Variants in MELK observed in about 807,000 individuals in gnomAD.
MELK encodes the protein pEg3 kinase.
In MELK, 81 loss-of-function variants were observed where a neutral mutation model predicts 85.0. The ratio of observed to expected loss-of-function variants is 0.95; its 90% CI spans 0.80 to 1.15. The LOEUF is 1.15. Among genes scored for constraint, MELK ranks in the 50% most tolerant of loss-of-function variants. The pLI, the probability that MELK is intolerant of heterozygous loss-of-function variation, is 0.00. For missense variants in MELK, 754 were observed against 777.5 expected, an observed-to-expected ratio of 0.97 and a Z score of 0.36; for synonymous variants, 252 against 265.0, an observed-to-expected ratio of 0.95 and a Z score of 0.48.
intron 6 of MELK, among the ~76,000 whole-genome samples, chr9:36,598,140 A>C (rs75783709): frequency 0.01 from 1,564 of 151,352 alleles, 37 homozygotes; most frequent in African/African-American, 0.035. Flanking sequence ...CTCTTTAGAA[A>C]CTATAAGTGG....
rs1042376024 is a variant in MELK at position 36,656,739 on chromosome 9, C to G, written c.1054-502C>G. ...ACCTGGTGGACTCAAGTGATCCTCC[C>G]ACCTAAGCCTCCCAAGTACCTGGGC... On this transcript the variant is annotated intron_variant, in intron 12 of 17. Transcript: ENST00000298048. 2.1e-3 allele frequency among the ~76,000 whole-genome samples: 315 copies of G among 152,126 alleles called. 1 individual carries two copies. Among genetic ancestry groups the G allele is most frequent in the African/African-American group, 7.3e-3 (302 of 41,496 alleles).
At chr9:36,663,080 C>CTT (rs202077914) in intron 13 of MELK, among the ~76,000 whole-genome samples, 1 of 145,818 alleles carries the variant, frequency 6.9e-6, no homozygotes, top group African/African-American at 2.5e-5. Context: ...TTCCTTGTTT[C>CTT]TTTTTTTTTT....
intron 11 of MELK, among the ~76,000 whole-genome samples, chr9:36,649,133 A>G (rs192961372): frequency 4.6e-4 from 70 of 152,350 alleles, no homozygotes; most frequent in African/African-American, 1.7e-3. Context: ...ATGTGACCAC[A>G]GAAATTAAAA....
intron 15 of MELK, 118 bp from the exon 16 acceptor site, chr9:36,670,880 C>A: frequency 9.5e-7 from 1 of 1,052,602 alleles, no homozygotes; most frequent in Non-Finnish European, 1.3e-6. Context: ...GGTGATCTGG[C>A]CCTGGCATAC....
At chr9:36,581,254 C>T (rs1470425663) in intron 1 of MELK, among the ~76,000 whole-genome samples, 2 of 151,808 alleles carry the variant, frequency 1.3e-5, no homozygotes, top group Admixed American at 6.6e-5. Flanking sequence ...AGGCTGGCCT[C>T]GAACTCCTGG....
intron 16 of MELK, among the ~76,000 whole-genome samples, chr9:36,671,809 C>T (rs1832917494): frequency 6.6e-6 from 1 of 152,150 alleles, no homozygotes; most frequent in Non-Finnish European, 1.5e-5. Context: ...TTCATTCAAA[C>T]ATCTGATGAA....
chr9:36,583,017 A>G (rs568765997), intron 2 of MELK, among the ~76,000 whole-genome samples: 3 of 148,408 alleles, frequency 2.0e-5, no homozygotes, highest in African/African-American at 7.5e-5. Flanking sequence ...TCTGTCGCCC[A>G]GGCTGGAGTG....
At chr9:36,665,887 A>G (rs1832292687) in intron 14 of MELK, among the ~76,000 whole-genome samples, 1 of 152,230 alleles carries the variant, frequency 6.6e-6, no homozygotes, top group Non-Finnish European at 1.5e-5. Context: ...CACAGCTAAG[A>G]AACCTGAGAC....
intron 1 of MELK, among the ~76,000 whole-genome samples, chr9:36,580,988 A>G (rs969738050): frequency 1.3e-5 from 2 of 152,188 alleles, no homozygotes; most frequent in Non-Finnish European, 2.9e-5. Flanking sequence ...TTGGCCTCCC[A>G]AAGTGCTGGG....
chr9:36,585,983 C>G (rs1006935621), intron 3 of MELK, among the ~76,000 whole-genome samples: 3 of 151,890 alleles, frequency 2.0e-5, no homozygotes, highest in Non-Finnish European at 2.9e-5. Context: ...TGAGATAGGG[C>G]TTAATATTAA....
chr9:36,652,042 A>ATTTTT lies in MELK; in HGVS notation c.1053+183_1053+187dup, dbSNP rs11465173. Among the ~76,000 whole-genome samples the ATTTTT allele has an allele frequency of 5.1e-3, 467 of 91,316 alleles. 18 individuals are homozygous for ATTTTT. The highest frequency in any genetic ancestry group is 6.1e-3 in the Non-Finnish European group (299 of 49,094). The allele number at this position is 91,316 out of a possible 152,430, so 59.9% of individuals were successfully genotyped here. On this transcript the variant is annotated intron_variant, in intron 12 of 17. Coordinates refer to ENST00000298048, the MANE Select transcript of MELK (RefSeq NM_014791.4). ...TGGGAAGTTCTGAAGTTGAACTCTA[A>ATTTTT]TTTTTTTTTTTTTTTTTTTTTTGAG... is the stretch of plus-strand genomic sequence containing the variant.
Position 36,658,088 on chromosome 9 carries a change from C to T in MELK, c.1176+725C>T, listed in dbSNP as rs781730231. Reference sequence around the variant, plus strand: ...GTGGCTAACTTCCCCTCCCAACTCTCGGTGGCAATTGATCTGTTTTTCTTT... The same window carrying T: ...GTGGCTAACTTCCCCTCCCAACTCTTGGTGGCAATTGATCTGTTTTTCTTT... On this transcript the variant is annotated intron_variant, in intron 13 of 17. Coordinates refer to ENST00000298048, the MANE Select transcript of MELK (RefSeq NM_014791.4). Among the ~76,000 whole-genome samples the T allele has an allele frequency of 4.1e-4, 62 of 151,766 alleles. 1 individual carries two copies. Among genetic ancestry groups the T allele is most frequent in the Admixed American group, 2.7e-3 (41 of 15,216 alleles).
chr9:36,607,817 G>C (rs1029986847), intron 8 of MELK, 144 bp downstream of exon 8: 4 of 651,406 alleles, frequency 6.1e-6, no homozygotes, highest in Non-Finnish European at 1.1e-5. Flanking sequence ...TTTGGGAGTG[G>C]TTAAGGAGTG....
At chr9:36,652,124 G>T (rs1014295529) in intron 12 of MELK, among the ~76,000 whole-genome samples, 3 of 128,988 alleles carry the variant, frequency 2.3e-5, no homozygotes, top group African/African-American at 8.8e-5. Context: ...TCAGCTCACT[G>T]CAACCTCTGC....
intron 12 of MELK, among the ~76,000 whole-genome samples, chr9:36,653,157 T>C (rs557293739): frequency 6.6e-6 from 1 of 152,350 alleles, no homozygotes; most frequent in South Asian, 2.1e-4. Context: ...TTTTTTGTTT[T>C]ATTTTTTGAA....
intron 11 of MELK, among the ~76,000 whole-genome samples, chr9:36,647,912 A>G (rs1830369869): frequency 6.6e-6 from 1 of 152,168 alleles, no homozygotes; most frequent in Non-Finnish European, 1.5e-5. Context: ...TGCAAATTTC[A>G]AAGCATATAC....
intron 12 of MELK, among the ~76,000 whole-genome samples, chr9:36,654,349 C>CTT (rs34436735): frequency 0.12 from 10,113 of 84,038 alleles, 1,493 homozygotes; most frequent in Middle Eastern, 0.2. Context: ...ATTGGATTGT[C>CTT]TTTTTTTTTT....
chr9:36,602,247 C>T (rs1426889423), intron 7 of MELK, among the ~76,000 whole-genome samples: 1 of 152,016 alleles, frequency 6.6e-6, no homozygotes, highest in Non-Finnish European at 1.5e-5. Context: ...AATCCCAGCA[C>T]TTTGGGAGAC....
intron 12 of MELK, among the ~76,000 whole-genome samples, chr9:36,653,592 G>A (rs1018993021): frequency 6.6e-6 from 1 of 152,240 alleles, no homozygotes; most frequent in Admixed American, 6.5e-5. Context: ...TGCCAGATGG[G>A]TATGGAACTT....
Sources: gnomAD v4.1 joint callset for allele counts (sites outside exome capture counted in the v4.1 genomes callset) on GRCh38, gnomAD v4.1.1 for gene constraint, MANE v1.5 for transcripts, NCBI Gene and HGNC (gene_info 2026-07-23, HGNC 2026-07-21) for gene names.